The following BMP2K variants were observed in gnomAD, a reference collection of about 807,000 sequenced individuals.
The protein encoded by BMP2K is BMP-2-inducible protein kinase.
BMP2K carries 74 observed loss-of-function variants against 116.0 expected under a neutral mutation model. The ratio of observed to expected loss-of-function variants is 0.64; its 90% CI spans 0.53 to 0.77. The LOEUF (loss-of-function observed/expected upper bound fraction) is 0.77, where lower values mean the gene tolerates loss of function less well. Among genes scored for constraint, BMP2K ranks in the 30% least tolerant of loss-of-function variants. BMP2K has a pLI of 0.00. For missense variants in BMP2K, 1,365 were observed against 1,403.6 expected, an observed-to-expected ratio of 0.97 and a Z score of 0.44; for synonymous variants, 486 against 502.5, an observed-to-expected ratio of 0.97 and a Z score of 0.44.
chr4:78,818,098 G>A (rs1729442593), intron 1 of BMP2K, among the ~76,000 whole-genome samples: 1 of 152,088 alleles, frequency 6.6e-6, no homozygotes, highest in Non-Finnish European at 1.5e-5. Context: ...CCAAAACATA[G>A]AGGTGAATTA....
At chr4:78,895,286 C>G (rs1733644119) in intron 15 of BMP2K, among the ~76,000 whole-genome samples, 1 of 152,124 alleles carries the variant, frequency 6.6e-6, no homozygotes, top group Non-Finnish European at 1.5e-5. Context: ...AAACGTACAC[C>G]TGTATTTAAT....
In BMP2K at chr4:78,841,241, G is replaced by A. The variant is rs1239630535; in HGVS notation, c.404-1144G>A. On this transcript the variant is annotated intron_variant, in intron 3 of 15. Transcript: ENST00000502613. Reference sequence around the variant, plus strand: ...TCTCATAGATTGTAAAATAGCATATGTTCATTTATCTAACCTTGTTAAAGG... The same window carrying A: ...TCTCATAGATTGTAAAATAGCATATATTCATTTATCTAACCTTGTTAAAGG... 2.6e-5 allele frequency among the ~76,000 whole-genome samples: 4 copies of A among 152,154 alleles called. No homozygotes were observed. The East Asian group carries it at 7.7e-4, about 29-fold the overall frequency.
Position 78,776,463 on chromosome 4 carries a change from C to G in BMP2K, c.-81C>G. 2 of 1,096,140 alleles carry G rather than the reference C, an allele frequency of 1.8e-6. No homozygotes were observed. Among genetic ancestry groups the G allele is most frequent in the Admixed American group, 5.1e-5 (1 of 19,552 alleles). 67.9% of individuals were successfully genotyped at this position (1,096,140 alleles called of 1,614,324 possible). A position where few individuals can be genotyped will look rare whatever the true frequency, so the allele number is the denominator to read the frequency against. On this transcript the variant is annotated 5_prime_UTR_variant, in exon 1 of 16. Transcript: ENST00000502613. ...CTCGGACGGGCCAGGGGCGGCGACC[C>G]CTCGCGGACGCCCGGCTGCGCGCCG...
At chr4:78,848,123 A>G (rs996098659) in intron 6 of BMP2K, among the ~76,000 whole-genome samples, 4 of 151,604 alleles carry the variant, frequency 2.6e-5, no homozygotes, top group African/African-American at 7.2e-5. Context: ...TTGGGGTACC[A>G]AAGTCTTGAG....
At chr4:78,800,936 G>A (rs1038603051) in intron 1 of BMP2K, among the ~76,000 whole-genome samples, 4 of 152,124 alleles carry the variant, frequency 2.6e-5, no homozygotes, top group African/African-American at 9.7e-5. Context: ...TCCTTTCAGT[G>A]TATTTCAAAA....
At chr4:78,808,679 A>C (rs1728940965) in intron 1 of BMP2K, among the ~76,000 whole-genome samples, 1 of 152,164 alleles carries the variant, frequency 6.6e-6, no homozygotes. Context: ...TTCACCTGAA[A>C]GTATTTTCTC....
At chr4:78,890,259 A>G (rs934198314) in intron 15 of BMP2K, among the ~76,000 whole-genome samples, 57 of 152,038 alleles carry the variant, frequency 3.7e-4, no homozygotes, top group African/African-American at 1.4e-3. Context: ...CACTTCTGGC[A>G]TTTTAATATA....
intron 1 of BMP2K, among the ~76,000 whole-genome samples, chr4:78,814,135 G>C (rs1235075254): frequency 6.6e-6 from 1 of 152,162 alleles, no homozygotes; most frequent in African/African-American, 2.4e-5. Flanking sequence ...GTAGGGAAAT[G>C]TTCCTTGGCA....
intron 2 of BMP2K, among the ~76,000 whole-genome samples, chr4:78,828,808 G>T (rs1345270753): frequency 6.6e-6 from 1 of 152,206 alleles, no homozygotes; most frequent in East Asian, 1.9e-4. Flanking sequence ...GATCACCAGA[G>T]CCTTCAGCAA....
intron 15 of BMP2K, among the ~76,000 whole-genome samples, chr4:78,904,742 GTTC>G (rs1408608000): frequency 6.6e-6 from 1 of 151,876 alleles, no homozygotes; most frequent in African/African-American, 2.4e-5. Context: ...TCTGTTCCAA[GTTC>G]TTTTGTTAAG....
rs144183754 is a variant in BMP2K at position 78,802,611 on chromosome 4, T to G, written c.179-23426T>G. ...AGTTATATCTTTAAGTCATCTGAAA[T>G]TTGTATTTGATGTGTTATGAGGTAA... is the stretch of plus-strand genomic sequence containing the variant. On this transcript the variant is annotated intron_variant, in intron 1 of 15. Coordinates refer to ENST00000502613, the MANE Select transcript of BMP2K (RefSeq NM_198892.2). Among the ~76,000 whole-genome samples, 651 of 152,330 alleles carry G rather than the reference T, an allele frequency of 4.3e-3. 3 individuals carry two copies. Among genetic ancestry groups the G allele is most frequent in the Admixed American group, 0.01 (156 of 15,302 alleles).
chr4:78,838,459 C>T (rs1254210297), intron 3 of BMP2K, among the ~76,000 whole-genome samples: 1 of 152,134 alleles, frequency 6.6e-6, no homozygotes, highest in African/African-American at 2.4e-5. Context: ...ATCCAGAAGG[C>T]CTGAATGGAG....
intron 15 of BMP2K, among the ~76,000 whole-genome samples, chr4:78,906,406 T>C (rs1453434810): frequency 3.3e-5 from 5 of 152,082 alleles, no homozygotes; most frequent in Admixed American, 3.3e-4. Flanking sequence ...CAACAGAAAA[T>C]TTCCCCAGTT....
intron 1 of BMP2K, among the ~76,000 whole-genome samples, chr4:78,788,984 ATTTTTTTC>A (rs903481803): frequency 4.8e-5 from 7 of 144,750 alleles, no homozygotes; most frequent in African/African-American, 1.5e-4. Flanking sequence ...AATTTCACTG[ATTTTTTTC>A]TTTTTTTCTT....
intron 13 of BMP2K, among the ~76,000 whole-genome samples, chr4:78,877,284 A>G (rs1230909070): frequency 6.6e-6 from 1 of 152,168 alleles, no homozygotes; most frequent in Non-Finnish European, 1.5e-5. Flanking sequence ...TTTTTACTTT[A>G]TAAACTTTGA....
At position 78,910,865 on chromosome 4, in the gene BMP2K, A is replaced by G; in HGVS notation, c.2318A>G (p.Asn773Ser). ...EVLQGEQGDFNDDDTEPENLG... is the reference protein window; with the variant it reads ...EVLQGEQGDFSDDDTEPENLG... ...CTTCAGGGGGAACAAGGAGATTTTA[A>G]TGATGATGATACTGAACCAGAAAAT... is the stretch of plus-strand genomic sequence containing the variant. Residue 773 changes from asparagine (N) to serine (S), a missense_variant, in exon 16 of 16, where the codon AAT (asparagine) becomes AGT (serine). By Grantham distance (46) the Asn-to-Ser change is conservative (BLOSUM62 1). Around this residue, in one of 3 missense-constraint regions of BMP2K, gnomAD observed 596 missense variants for 623.2 expected, o/e 0.96. Transcript: ENST00000502613. The G allele has an allele frequency of 6.2e-7, 1 of 1,613,978 alleles. No homozygotes were observed.
rs377697211 is a variant in BMP2K at position 78,808,421 on chromosome 4, G to A, written c.179-17616G>A. 9.2e-5 allele frequency among the ~76,000 whole-genome samples: 14 copies of A among 151,688 alleles called. No homozygotes were observed. In the East Asian group the frequency reaches 2.1e-3, roughly 23 times the overall value. ...GCTGGGACTACAGGCACCTGCCACC[G>A]CACCCGGCTAATTTTTTTTATTTTT... On this transcript the variant is annotated intron_variant, in intron 1 of 15. Transcript: ENST00000502613.
At chr4:78,871,998 G>T in intron 12 of BMP2K, 50 bp downstream of exon 12, 1 of 1,258,152 alleles carries the variant, frequency 7.9e-7, no homozygotes, top group East Asian at 2.4e-5. Context: ...TTATGGTGTT[G>T]GAATTCACAG....
Position 78,871,009 on chromosome 4 carries a change from G to A in BMP2K, c.1458G>A (p.Gln486=). ...QQQQQQQQQQ[Q]HHHHHHHHLL... Reference sequence around the variant, plus strand: ...AGCAGCAGCAGCAGCAGCAGCAGCAGCACCACCACCACCACCACCACCACC... The same window carrying A: ...AGCAGCAGCAGCAGCAGCAGCAGCAACACCACCACCACCACCACCACCACC... Residue 486 remains glutamine (Q), a synonymous_variant, in exon 11 of 16, where the codon CAG becomes CAA. Coordinates refer to ENST00000502613, the MANE Select transcript of BMP2K (RefSeq NM_198892.2). 1 of 1,563,374 alleles carries A rather than the reference G, an allele frequency of 6.4e-7. No individual in the cohort carries two copies. The highest frequency in any genetic ancestry group is 8.7e-7 in the Non-Finnish European group (1 of 1,148,808).
Sources: gnomAD v4.1 joint callset for allele counts (sites outside exome capture counted in the v4.1 genomes callset) on GRCh38, gnomAD v4.1.1 for gene constraint, gnomAD v4.1.1 regional missense constraint, MANE v1.5 for transcripts, NCBI Gene and HGNC (gene_info 2026-07-23, HGNC 2026-07-21) for gene names.